Variants in PCDHGA2 observed in about 807,000 individuals in gnomAD.
PCDHGA2 encodes protocadherin gamma subfamily A, 2.
A neutral mutation model predicts 59.2 loss-of-function variants in PCDHGA2; 40 were observed. That is an observed-to-expected ratio of 0.68 (90% confidence interval 0.52 to 0.88). The LOEUF (loss-of-function observed/expected upper bound fraction) is 0.88, where lower values mean the gene tolerates loss of function less well. PCDHGA2 is among the 40% of genes least tolerant of loss of function. The probability of loss-of-function intolerance (pLI) is 0.00; values close to 1 mark genes in which losing one functional copy is unlikely to be tolerated. For missense variants in PCDHGA2, 1,226 were observed against 1,204.0 expected (o/e 1.02, Z -0.27); for synonymous variants, 560 against 526.0 (o/e 1.06, Z -0.89).
chr5:141,393,937 A>T, intron 1 of PCDHGA2: 1 of 1,613,906 alleles, frequency 6.2e-7, no homozygotes, highest in Non-Finnish European at 8.5e-7. Context: ...CATGACCAAG[A>T]CTCTGGAAAG....
chr5:141,473,680 C>T (rs888876529), intron 1 of PCDHGA2, among the ~76,000 whole-genome samples: 3 of 152,100 alleles, frequency 2.0e-5, no homozygotes, highest in Non-Finnish European at 2.9e-5. Flanking sequence ...CAGGGAAGGG[C>T]TGGGGTTCTG....
At chr5:141,409,024 T>C (rs2095212064) in intron 1 of PCDHGA2, 2 of 1,613,988 alleles carry the variant, frequency 1.2e-6, no homozygotes, top group South Asian at 1.1e-5. Context: ...AGGGGGTCAA[T>C]GCTGAGATAA....
chr5:141,461,480 G>A (rs1478939044), intron 1 of PCDHGA2, among the ~76,000 whole-genome samples: 1 of 151,970 alleles, frequency 6.6e-6, no homozygotes, highest in Non-Finnish European at 1.5e-5. Context: ...ACTTTTTAAT[G>A]GGATTGTGTT....
rs752708726 is a variant in PCDHGA2 at position 141,413,991 on chromosome 5, C to T, written c.2424+72596C>T. 1.9e-6 allele frequency: 3 copies of T among 1,613,494 alleles called. No homozygotes were observed. The East Asian group carries it at 6.7e-5, about 36-fold the overall frequency. ...AGCTGCTGACAGTCACAGCCACCGA[C>T]AGGGACGAAGGTGCCAATGGAGAAG... On this transcript the variant is annotated intron_variant, in intron 1 of 3. Coordinates refer to ENST00000394576, the MANE Select transcript of PCDHGA2 (RefSeq NM_018915.4).
chr5:141,419,846 G>T (rs1407937968), intron 1 of PCDHGA2: 2 of 1,614,066 alleles, frequency 1.2e-6, no homozygotes, highest in Non-Finnish European at 1.7e-6. Context: ...GCTGCACCTG[G>T]TGTTCGCAGA....
At chr5:141,379,717 G>A (rs1775773176) in intron 1 of PCDHGA2, 1 of 152,104 alleles carries the variant, frequency 6.6e-6, no homozygotes, top group Non-Finnish European at 1.5e-5. Context: ...GGCAGTCATG[G>A]AATTTGCTAA....
intron 1 of PCDHGA2, among the ~76,000 whole-genome samples, chr5:141,464,132 G>A (rs1432411937): frequency 6.6e-6 from 1 of 152,076 alleles, no homozygotes; most frequent in Non-Finnish European, 1.5e-5. Flanking sequence ...GGGTGTGGTG[G>A]TGGGCGCCTG....
intron 1 of PCDHGA2, chr5:141,378,543 A>G (rs1328752937): frequency 6.6e-6 from 1 of 152,122 alleles, no homozygotes; most frequent in East Asian, 1.9e-4. Context: ...AATGATAATT[A>G]ATAAATAAAG....
intron 1 of PCDHGA2, chr5:141,383,971 G>A (rs373869441): frequency 2.5e-6 from 4 of 1,613,544 alleles, no homozygotes; most frequent in African/African-American, 1.3e-5. Context: ...CTCAATCCCT[G>A]AAGACACACC....
Position 141,456,287 on chromosome 5 carries a change from C to A in PCDHGA2, c.2425-38520C>A, listed in dbSNP as rs951430060. On this transcript the variant is annotated intron_variant, in intron 1 of 3. Transcript: ENST00000394576. ...CTGGCTACTTCCTGCTGAAAAGGGGCGTCTAATGGAGAACAGCAGCTAGGG... is the reference window on the plus strand; with the variant it reads ...CTGGCTACTTCCTGCTGAAAAGGGGAGTCTAATGGAGAACAGCAGCTAGGG... Among the ~76,000 whole-genome samples, 11 of 152,166 alleles carry A rather than the reference C, an allele frequency of 7.2e-5. No individual in the cohort carries two copies. In the East Asian group the frequency reaches 1.9e-3, roughly 27 times the overall value.
At chr5:141,398,534 A>T in intron 1 of PCDHGA2, 1 of 1,613,768 alleles carries the variant, frequency 6.2e-7, no homozygotes, top group South Asian at 1.1e-5. Flanking sequence ...TTCACGCAAA[A>T]TTCCTTTGAG....
intron 1 of PCDHGA2, among the ~76,000 whole-genome samples, chr5:141,480,216 C>T (rs1055544952): frequency 1.9e-4 from 28 of 147,036 alleles, no homozygotes; most frequent in Non-Finnish European, 3.6e-4. Flanking sequence ...CCAGCCTGAG[C>T]GACATAGTGA....
At chr5:141,452,256 C>T (rs533770410) in intron 1 of PCDHGA2, among the ~76,000 whole-genome samples, 1 of 152,298 alleles carries the variant, frequency 6.6e-6, no homozygotes, top group African/African-American at 2.4e-5. Flanking sequence ...CCATAACTCT[C>T]TCATTTTCTT....
At chr5:141,393,177 G>T (rs1330463387) in intron 1 of PCDHGA2, 1 of 1,613,292 alleles carries the variant, frequency 6.2e-7, no homozygotes, top group Non-Finnish European at 8.5e-7. Context: ...GGTAGAAATA[G>T]AAATAATTGA....
chr5:141,404,928 C>A lies in PCDHGA2; in HGVS notation c.2424+63533C>A, dbSNP rs145718404. The stretch of plus-strand genomic sequence containing the variant: ...CAGCCCCCTCTCTCGGCCACTGTCA[C>A]GCTCACAGTAGCCATAGCTGACAGC... On this transcript the variant is annotated intron_variant, in intron 1 of 3. Coordinates refer to ENST00000394576, the MANE Select transcript of PCDHGA2 (RefSeq NM_018915.4). The A allele has an allele frequency of 1.9e-6, 3 of 1,613,866 alleles. No individual in the cohort carries two copies. In the South Asian group the frequency reaches 3.3e-5, roughly 18 times the overall value.
intron 1 of PCDHGA2, chr5:141,357,294 C>A: frequency 1.2e-6 from 2 of 1,613,992 alleles, no homozygotes; most frequent in Non-Finnish European, 1.7e-6. Flanking sequence ...TGGCAGTGGC[C>A]GCTGTCTCCT....
chr5:141,471,631 G>A (rs573080972), intron 1 of PCDHGA2: 7 of 152,188 alleles, frequency 4.6e-5, no homozygotes, highest in African/African-American at 9.6e-5. Flanking sequence ...CATTGGTATG[G>A]ATTAGTAATA....
intron 1 of PCDHGA2, among the ~76,000 whole-genome samples, chr5:141,454,796 ATTTTTTTTTTTTTTTTTTT>A (rs61612330): frequency 3.9e-5 from 3 of 77,408 alleles, no homozygotes; most frequent in African/African-American, 1.2e-4. Context: ...CATGGTTCTA[ATTTTTTTTTTTTTTTTTTT>A]TTTTTTTTTT....
chr5:141,414,429 G>A (rs1372056104), intron 1 of PCDHGA2: 1 of 1,613,860 alleles, frequency 6.2e-7, no homozygotes, highest in Non-Finnish European at 8.5e-7. Flanking sequence ...ACAGGGAACA[G>A]GTATCCTCTT....
Sources: allele counts gnomAD v4.1 joint callset (sites outside exome capture counted in the v4.1 genomes callset), GRCh38; gene constraint gnomAD v4.1.1; transcripts MANE v1.5; gene names NCBI Gene and HGNC (gene_info 2026-07-23, HGNC 2026-07-21).